The following RNGTT variants were observed in gnomAD, a reference collection of about 807,000 sequenced individuals.
RNGTT encodes the protein RNA guanylyltransferase and 5'-phosphatase, also known as mRNA-capping enzyme.
Under a neutral mutation model 79.3 loss-of-function variants are expected in RNGTT, and 33 were observed. The observed-to-expected ratio is 0.42, with a 90% CI of 0.32 to 0.56. The LOEUF is 0.56. Ranked by LOEUF, RNGTT falls within the 20% of genes least tolerant of loss-of-function variation. The pLI is 0.17. For synonymous variants in RNGTT, 222 were observed against 235.9 expected, an observed-to-expected ratio of 0.94 and a Z score of 0.54; for missense variants, 497 against 739.1, an observed-to-expected ratio of 0.67 and a Z score of 3.80.
At chr6:88,784,765 GC>G (rs1176181275) in intron 12 of RNGTT, among the ~76,000 whole-genome samples, 3 of 151,970 alleles carry the variant, frequency 2.0e-5, no homozygotes, top group African/African-American at 7.2e-5. Flanking sequence ...CTATCTTTTT[GC>G]TATGATTCCA....
At chr6:88,783,945 G>A (rs1779147632) in intron 12 of RNGTT, among the ~76,000 whole-genome samples, 1 of 152,066 alleles carries the variant, frequency 6.6e-6, no homozygotes, top group South Asian at 2.1e-4. Flanking sequence ...TGCTAAGCCT[G>A]TGTCAACCTC....
intron 2 of RNGTT, among the ~76,000 whole-genome samples, chr6:88,931,624 A>G (rs893849585): frequency 3.3e-5 from 5 of 152,196 alleles, no homozygotes; most frequent in Non-Finnish European, 7.4e-5. Flanking sequence ...AAAAGTATGT[A>G]CAGTCAAAAT....
At chr6:88,740,408 CTCG>C (rs1447023379) in intron 13 of RNGTT, among the ~76,000 whole-genome samples, 32 of 151,930 alleles carry the variant, frequency 2.1e-4, no homozygotes, top group Admixed American at 2.1e-3. Context: ...GTCCCAGCTA[CTCG>C]AGAGGCTGAG....
At chr6:88,746,793 A>G (rs985715905) in intron 13 of RNGTT, among the ~76,000 whole-genome samples, 1 of 152,340 alleles carries the variant, frequency 6.6e-6, no homozygotes, top group Admixed American at 6.5e-5. Context: ...TAGAATGATT[A>G]TGTCATGGAG....
intron 11 of RNGTT, among the ~76,000 whole-genome samples, chr6:88,822,844 G>T (rs1431267803): frequency 6.6e-6 from 1 of 152,124 alleles, no homozygotes; most frequent in Non-Finnish European, 1.5e-5. Context: ...TCCAGGAAAA[G>T]AAGTCTTTTC....
intron 13 of RNGTT, among the ~76,000 whole-genome samples, chr6:88,687,714 G>C (rs1464616944): frequency 7.5e-6 from 1 of 132,616 alleles, no homozygotes; most frequent in African/African-American, 4.1e-5. Context: ...CTTTGGTAAA[G>C]AAAAAGTACA....
chr6:88,787,562 G>A (rs1023897129), intron 12 of RNGTT, among the ~76,000 whole-genome samples: 1 of 152,128 alleles, frequency 6.6e-6, no homozygotes, highest in African/African-American at 2.4e-5. Flanking sequence ...AGGAGGCTGA[G>A]GCTGGAGAAT....
intron 13 of RNGTT, among the ~76,000 whole-genome samples, chr6:88,736,232 T>G (rs73754813): frequency 0.025 from 3,745 of 152,258 alleles, 142 homozygotes; most frequent in African/African-American, 0.085. Flanking sequence ...TTTCACTGGG[T>G]GTATTATACA....
chr6:88,797,087 G>T (rs974970926), intron 12 of RNGTT, among the ~76,000 whole-genome samples: 1 of 152,048 alleles, frequency 6.6e-6, no homozygotes, highest in African/African-American at 2.4e-5. Flanking sequence ...AATAAAAATT[G>T]CTGGGTAACA....
intron 8 of RNGTT, among the ~76,000 whole-genome samples, chr6:88,858,080 T>C (rs1781895754): frequency 6.6e-6 from 1 of 152,164 alleles, no homozygotes; most frequent in South Asian, 2.1e-4. Flanking sequence ...CCTCTTCTTC[T>C]GTCATACAGC....
intron 11 of RNGTT, 43 bp downstream of exon 11, chr6:88,844,314 T>G (rs1487390256): frequency 1.3e-6 from 2 of 1,536,994 alleles, no homozygotes; most frequent in African/African-American, 2.8e-5. Flanking sequence ...AGCTGAATTA[T>G]GAGACATTAT....
intron 13 of RNGTT, among the ~76,000 whole-genome samples, chr6:88,717,660 CA>C (rs573369935): frequency 1.9e-3 from 282 of 152,070 alleles, no homozygotes; most frequent in Middle Eastern, 3.4e-3. Context: ...ACCAGCAACG[CA>C]AAAACGCCAA....
intron 13 of RNGTT, among the ~76,000 whole-genome samples, chr6:88,753,050 T>G (rs1394902456): frequency 6.6e-6 from 1 of 152,106 alleles, no homozygotes; most frequent in African/African-American, 2.4e-5. Context: ...TCAAATTAAC[T>G]TTTAAAAAAA....
At chr6:88,855,228 G>A (rs1028737953) in intron 8 of RNGTT, among the ~76,000 whole-genome samples, 3 of 152,112 alleles carry the variant, frequency 2.0e-5, no homozygotes, top group Non-Finnish European at 4.4e-5. Flanking sequence ...TAAGATTAGG[G>A]GACAGAAGAA....
At chr6:88,786,584 T>G (rs1779236393) in intron 12 of RNGTT, among the ~76,000 whole-genome samples, 1 of 152,236 alleles carries the variant, frequency 6.6e-6, no homozygotes, top group Non-Finnish European at 1.5e-5. Flanking sequence ...AAATTCAATT[T>G]GATAGTGGTT....
rs1582412974 is a variant in RNGTT at position 88,748,389 on chromosome 6, T to A, written c.1439+21385A>T. Reference sequence around the variant, plus strand: ...AGGATCTTTTGCTCCAGCTATTTCTTCCATCTGGTGCTTCTCCCTCATATC... The same window carrying A: ...AGGATCTTTTGCTCCAGCTATTTCTACCATCTGGTGCTTCTCCCTCATATC... On this transcript the variant is annotated intron_variant, in intron 13 of 15. Coordinates refer to ENST00000369485, the MANE Select transcript of RNGTT (RefSeq NM_003800.5). Among the ~76,000 whole-genome samples the A allele has an allele frequency of 3.3e-5, 5 of 152,058 alleles. No individual in the cohort carries two copies. In the East Asian group the frequency reaches 7.7e-4, roughly 23 times the overall value.
At chr6:88,920,377 T>A (rs1784128338) in intron 4 of RNGTT, among the ~76,000 whole-genome samples, 2 of 152,228 alleles carry the variant, frequency 1.3e-5, no homozygotes, top group Non-Finnish European at 2.9e-5. Context: ...GTTACTATAC[T>A]GTATTTGTTG....
At chr6:88,775,486 G>T (rs1021411631) in intron 12 of RNGTT, among the ~76,000 whole-genome samples, 3 of 152,158 alleles carry the variant, frequency 2.0e-5, no homozygotes, top group African/African-American at 7.2e-5. Flanking sequence ...CCACAACTGA[G>T]AGGGGGGATA....
chr6:88,866,337 G>A (rs186850893), intron 8 of RNGTT, among the ~76,000 whole-genome samples: 51 of 152,080 alleles, frequency 3.4e-4, no homozygotes, highest in Middle Eastern at 3.4e-3. Flanking sequence ...CCAGTGCTGC[G>A]ACAATCCTAA....
Sources: gnomAD v4.1 joint callset for allele counts (sites outside exome capture counted in the v4.1 genomes callset) on GRCh38, gnomAD v4.1.1 for gene constraint, MANE v1.5 for transcripts, NCBI Gene and HGNC (gene_info 2026-07-23, HGNC 2026-07-21) for gene names.